Variants in ANO7 observed in about 807,000 individuals in gnomAD.
ANO7 encodes anoctamin 7, also known as anoctamin-7.
A neutral mutation model predicts 115.8 loss-of-function variants in ANO7; 114 were observed. That is an observed-to-expected ratio of 0.98 (90% CI 0.85 to 1.15). The LOEUF (loss-of-function observed/expected upper bound fraction) is 1.15, where lower values mean the gene tolerates loss of function less well. ANO7 is among the 50% of genes most tolerant of loss of function. The pLI is 0.00. For synonymous variants in ANO7, 550 were observed against 498.2 expected, an observed-to-expected ratio of 1.10 and a Z score of -1.38; for missense variants, 1,302 against 1,201.2, an observed-to-expected ratio of 1.08 and a Z score of -1.24.
rs1248219325 is a variant in ANO7, at chr2:241,212,154, A to C, written c.1622A>C (p.Gln541Pro). The C allele has an allele frequency of 1.2e-5, 19 of 1,614,040 alleles. No individual in the cohort carries two copies. In the East Asian group the frequency reaches 4.2e-4, roughly 36 times the overall value. The change falls in exon 16 of 25, where the codon CAG becomes CCG. Residue 541 changes from glutamine (Q) to proline (P), a missense_variant. Transcript: ENST00000674324. The part of the protein sequence containing the change: ...DAFTLKVFIF[Q>P]FVNFYSSPVY... ...TTCACCCTCAAGGTGTTCATCTTCC[A>C]GTTCGTCAACTTCTACTCCTCACCC...
intron 3 of ANO7, among the ~76,000 whole-genome samples, chr2:241,195,371 T>C (rs1052904827): frequency 6.6e-6 from 1 of 152,190 alleles, no homozygotes; most frequent in African/African-American, 2.4e-5. Flanking sequence ...GACAGTGACT[T>C]GCACCTGAGG....
At chr2:241,196,151 G>A in intron 4 of ANO7, 1 of 1,320,880 alleles carries the variant, frequency 7.6e-7, no homozygotes, top group Non-Finnish European at 9.7e-7. Flanking sequence ...CAACATTAAA[G>A]CTTTTGGGTA....
chr2:241,237,826 AC>A, the ANO7 span, among the ~76,000 whole-genome samples: 2 of 152,252 alleles, frequency 1.3e-5, no homozygotes, highest in African/African-American at 2.4e-5. Flanking sequence ...GTTTTAAATA[AC>A]CACTGAAGTG....
Position 241,203,593 on chromosome 2 carries a change from G to A in ANO7, c.889+95G>A, listed in dbSNP as rs73114163. On this transcript the variant is annotated intron_variant, in intron 9 of 24. Transcript: ENST00000674324. This position sits in a 1 kb window ranked among gnomAD's most constrained non-coding sequence, Gnocchi z 4.8. ...CCAGTCCGTACCCCTGGAGGGCAGC[G>A]TGCGTGGGGGCCTGGACGGTGGGCG... is the stretch of plus-strand genomic sequence containing the variant. 1,443 of 936,406 alleles carry A rather than the reference G, an allele frequency of 1.5e-3. 25 individuals are homozygous for A. In the African/African-American group the frequency reaches 0.023, roughly 15 times the overall value. 58.0% of individuals were successfully genotyped at this position (936,406 alleles called of 1,614,324 possible).
downstream of ANO7, chr2:241,230,946 TAA>T: frequency 6.2e-7 from 1 of 1,611,270 alleles, no homozygotes; most frequent in Non-Finnish European, 8.5e-7. The surrounding 1 kb of genome is among the most constrained non-coding windows in gnomAD (Gnocchi z 5.0). Flanking sequence ...GTCCTGGGGC[TAA>T]AAAAGGAGAA....
At chr2:241,220,973 G>GAA (rs932689845) in intron 21 of ANO7, among the ~76,000 whole-genome samples, 1 of 143,026 alleles carries the variant, frequency 7.0e-6, no homozygotes, top group African/African-American at 2.6e-5. Context: ...GCTGTCTCAG[G>GAA]AAAAAAAAAA....
At chr2:241,223,860 CTG>C (rs2069087621) in intron 23 of ANO7, 43 bp from the exon 24 acceptor site, 1 of 1,614,044 alleles carries the variant, frequency 6.2e-7, no homozygotes. Context: ...CCTCCGGACA[CTG>C]AGTCACATCC....
In ANO7 at chr2:241,200,237, G is replaced by A. The variant is rs759446974; in HGVS notation, c.554+12G>A. 6.2e-7 allele frequency: 1 copy of A among 1,609,630 alleles called. No homozygotes were observed. The highest frequency in any genetic ancestry group is 1.1e-5 in the South Asian group (1 of 90,718). The stretch of plus-strand genomic sequence containing the variant: ...AACAAGCTGCCACGGTAAGGCAGGG[G>A]CCCTGCCAGTCGGAGGAAAGAACAG... On this transcript the variant is annotated intron_variant, in intron 6 of 24. Transcript: ENST00000674324.
intron 10 of ANO7, among the ~76,000 whole-genome samples, chr2:241,206,964 GCTGACAGGTGGGCAGGAATGCTCCCAGC>G (rs2149199765): frequency 7.0e-6 from 1 of 142,924 alleles, no homozygotes; most frequent in African/African-American, 2.6e-5. Context: ...GTGCTCCCAG[GCTGACAGGTGGGCAGGAATGCTCCCAGC>G]CTGACACAGG....
At chr2:241,207,435 T>A (rs1278569718) in intron 10 of ANO7, 139 bp from the exon 11 acceptor site, 3 of 637,936 alleles carry the variant, frequency 4.7e-6, no homozygotes, top group Admixed American at 2.5e-5. Flanking sequence ...CTATTTTTTT[T>A]AAGAAATGCT....
chr2:241,221,717 G>A (rs564308531), intron 21 of ANO7, among the ~76,000 whole-genome samples: 28 of 151,494 alleles, frequency 1.8e-4, no homozygotes, highest in Non-Finnish European at 2.8e-4. Context: ...TCCTCTTGTC[G>A]CCAAGGCTGG....
chr2:241,225,658 C>G lies in ANO7; in HGVS notation c.*1505C>G, dbSNP rs2069145652. ...TATTTCACCCACCGTGATGCCTGGC[C>G]TGAGGGCGGCGTGCTTGCTTGTAGC... On this transcript the variant is annotated 3_prime_UTR_variant, in exon 25 of 25. Coordinates refer to ENST00000674324, the MANE Select transcript of ANO7 (RefSeq NM_001370694.2). Among the ~76,000 whole-genome samples, 1 of 148,772 alleles carries G rather than the reference C, an allele frequency of 6.7e-6. No individual in the cohort carries two copies. The highest frequency in any genetic ancestry group is 2.2e-4 in the South Asian group (1 of 4,616).
intron 11 of ANO7, 100 bp downstream of exon 11, chr2:241,207,770 C>T: frequency 2.7e-6 from 3 of 1,102,956 alleles, no homozygotes; most frequent in Non-Finnish European, 4.1e-6. Context: ...CAGCCCCTGT[C>T]CTGCTTGTCA....
chr2:241,210,591 C>T, intron 15 of ANO7, 21 bp downstream of exon 15: 1 of 1,606,864 alleles, frequency 6.2e-7, no homozygotes, highest in East Asian at 2.2e-5. Context: ...TGAGGCCGGC[C>T]AGGCACTGAC....
chr2:241,197,288 C>T (rs1489241906), intron 4 of ANO7, among the ~76,000 whole-genome samples: 4 of 152,102 alleles, frequency 2.6e-5, no homozygotes, highest in Non-Finnish European at 5.9e-5. Flanking sequence ...TTAGTAGAGA[C>T]GGGGTTTCAC....
intron 4 of ANO7, among the ~76,000 whole-genome samples, chr2:241,198,260 G>A (rs987015570): frequency 2.0e-5 from 3 of 152,028 alleles, no homozygotes; most frequent in South Asian, 2.1e-4. Flanking sequence ...TCCCTGCCCC[G>A]CTCTCCCTGG....
downstream of ANO7, among the ~76,000 whole-genome samples, chr2:241,226,715 T>C (rs557296633): frequency 2.6e-5 from 4 of 152,268 alleles, no homozygotes; most frequent in East Asian, 5.8e-4. Context: ...TGAGCCACCG[T>C]ACCCGGCCAA....
chr2:241,229,619 A>G (rs763752945), downstream of ANO7: 55 of 1,613,894 alleles, frequency 3.4e-5, no homozygotes, highest in South Asian at 5.1e-4. Flanking sequence ...TGGGGCCCCA[A>G]GGGAGGGTCT....
chr2:241,238,558 G>C, the ANO7 span: 3 of 1,047,704 alleles, frequency 2.9e-6, no homozygotes, highest in Admixed American at 2.7e-5. This position sits in a 1 kb window ranked among gnomAD's most constrained non-coding sequence, Gnocchi z 4.9. Context: ...GCAGAGACAG[G>C]AAAGAGCCTC....
Sources: allele counts gnomAD v4.1 joint callset (sites outside exome capture counted in the v4.1 genomes callset), GRCh38; gene constraint gnomAD v4.1.1; non-coding constraint Gnocchi (gnomAD v3.1); transcripts MANE v1.5; gene names NCBI Gene and HGNC (gene_info 2026-07-23, HGNC 2026-07-21).